Variants in SFMBT1 observed in about 807,000 individuals in gnomAD.
SFMBT1 encodes the protein Scm like with four mbt domains 1, also known as scm-like with four MBT domains protein 1.
A neutral mutation model predicts 108.7 loss-of-function variants in SFMBT1; 32 were observed. That is an observed-to-expected ratio of 0.29 (90% confidence interval 0.22 to 0.40). The LOEUF (loss-of-function observed/expected upper bound fraction) is 0.40. SFMBT1 is among the 10% of genes least tolerant of loss of function. The pLI is 1.00. For missense variants in SFMBT1, 816 were observed against 1,059.6 expected, an observed-to-expected ratio of 0.77 and a Z score of 3.19; for synonymous variants, 348 against 369.5, an observed-to-expected ratio of 0.94 and a Z score of 0.67.
chr3:53,036,897 A>C (rs1340825528), intron 1 of SFMBT1, among the ~76,000 whole-genome samples: 1 of 152,100 alleles, frequency 6.6e-6, no homozygotes, highest in Non-Finnish European at 1.5e-5. Flanking sequence ...AACAAAGTGG[A>C]TTGGCTAGGG....
chr3:53,028,216 A>G (rs1003888465), intron 1 of SFMBT1, among the ~76,000 whole-genome samples: 15 of 152,134 alleles, frequency 9.9e-5, no homozygotes, highest in Admixed American at 9.8e-4. Context: ...TGAGTAGCTG[A>G]GACTACAGGT....
intron 1 of SFMBT1, among the ~76,000 whole-genome samples, chr3:52,988,076 C>G (rs1335471597): frequency 6.6e-6 from 1 of 152,156 alleles, no homozygotes; most frequent in Non-Finnish European, 1.5e-5. Flanking sequence ...CTGCCTCAAC[C>G]CAGAAGAGAG....
At chr3:53,007,008 G>C (rs1386003530) in intron 1 of SFMBT1, among the ~76,000 whole-genome samples, 2 of 152,128 alleles carry the variant, frequency 1.3e-5, no homozygotes. Context: ...AATTTTGTTT[G>C]CCTTTGTAGC....
At chr3:52,954,479 A>C in intron 2 of SFMBT1, 68 bp from the exon 3 acceptor site, 1 of 1,188,242 alleles carries the variant, frequency 8.4e-7, no homozygotes, top group Non-Finnish European at 1.2e-6. Context: ...TAAAAATATA[A>C]ACTTAATAAA....
At chr3:53,003,502 T>C (rs940747495) in intron 1 of SFMBT1, among the ~76,000 whole-genome samples, 3 of 150,092 alleles carry the variant, frequency 2.0e-5, no homozygotes, top group East Asian at 1.9e-4. Context: ...GTGTTGATAA[T>C]TGTGGGAACC....
chr3:52,916,400 G>A (rs1283867993), intron 13 of SFMBT1, among the ~76,000 whole-genome samples, 186 bp from the exon 14 acceptor site: 15 of 148,566 alleles, frequency 1.0e-4, no homozygotes, highest in African/African-American at 2.0e-4. Context: ...GGCTGGATGC[G>A]GTGGCTCACG....
In SFMBT1 at chr3:52,943,549, C is replaced by T. The variant is rs143384624; in HGVS notation, c.168G>A (p.Leu56=). ...CAGGATCTGTTCTCACAGCCACCTC[C>T]AGCTTCATCCCAGGAGCAAATCCAT... ...LQNGFAPGMK[L]EVAVRTDPET... The change falls in exon 4 of 21, where the codon CTG becomes CTA. Residue 56 remains leucine (L), a synonymous_variant. Transcript: ENST00000394752. 393 of 1,614,248 alleles carry T rather than the reference C, an allele frequency of 2.4e-4. No homozygotes were observed. The African/African-American group carries it at 4.3e-3, about 18-fold the overall frequency.
At chr3:52,937,888 T>C (rs1450710811) in intron 4 of SFMBT1, among the ~76,000 whole-genome samples, 1 of 152,068 alleles carries the variant, frequency 6.6e-6, no homozygotes, top group Non-Finnish European at 1.5e-5. Flanking sequence ...GCCAACGATT[T>C]ACTCTTTTAT....
At chr3:52,947,120 C>CT (rs111716780) in intron 3 of SFMBT1, among the ~76,000 whole-genome samples, 9,734 of 139,674 alleles carry the variant, frequency 0.07, 400 homozygotes, top group Non-Finnish European at 0.096. Flanking sequence ...GTCTTTTTCA[C>CT]TTTTTTTTTT....
At chr3:52,998,890 C>T (rs1559543419) in intron 1 of SFMBT1, among the ~76,000 whole-genome samples, 1 of 150,584 alleles carries the variant, frequency 6.6e-6, no homozygotes, top group African/African-American at 2.4e-5. Context: ...AGCTGTTGAT[C>T]GCCTGGCTGT....
At chr3:52,983,855 G>C (rs978246444) in intron 1 of SFMBT1, among the ~76,000 whole-genome samples, 2 of 152,136 alleles carry the variant, frequency 1.3e-5, no homozygotes, top group South Asian at 2.1e-4. Context: ...TTTGGCTTTG[G>C]GGAAGCCATT....
At chr3:53,024,111 T>G (rs933108093) in intron 1 of SFMBT1, among the ~76,000 whole-genome samples, 3 of 152,068 alleles carry the variant, frequency 2.0e-5, no homozygotes, top group African/African-American at 7.2e-5. Flanking sequence ...GTAACACAAG[T>G]GCTAAGGAGA....
intron 13 of SFMBT1, among the ~76,000 whole-genome samples, chr3:52,916,696 C>A (rs1405553830): frequency 3.3e-5 from 5 of 149,608 alleles, no homozygotes; most frequent in Non-Finnish European, 7.4e-5. Flanking sequence ...ACAACAACAA[C>A]AACAACAACA....
intron 1 of SFMBT1, among the ~76,000 whole-genome samples, chr3:53,015,797 T>G (rs1699104955): frequency 6.6e-6 from 1 of 152,220 alleles, no homozygotes; most frequent in Non-Finnish European, 1.5e-5. Context: ...AGGGCATAAC[T>G]GCTAATGGGT....
chr3:52,956,361 G>A (rs2106836889), intron 2 of SFMBT1, among the ~76,000 whole-genome samples: 1 of 152,356 alleles, frequency 6.6e-6, no homozygotes, highest in Non-Finnish European at 1.5e-5. Flanking sequence ...TCGGGAGGCT[G>A]AGGCAGGAGA....
At chr3:52,970,680 G>GC (rs1704309748) in intron 1 of SFMBT1, among the ~76,000 whole-genome samples, 1 of 152,068 alleles carries the variant, frequency 6.6e-6, no homozygotes. Flanking sequence ...GCAGGATCAA[G>GC]CAATTCTATA....
At chr3:52,928,597 T>C (rs530541177) in intron 8 of SFMBT1, 3 of 130,616 alleles carry the variant, frequency 2.3e-5, no homozygotes, top group African/African-American at 8.2e-5. Flanking sequence ...TATACATATA[T>C]ATACATATAT....
chr3:52,963,402 T>C (rs1447832030), intron 2 of SFMBT1, among the ~76,000 whole-genome samples: 2 of 152,138 alleles, frequency 1.3e-5, no homozygotes, highest in Admixed American at 1.3e-4. Flanking sequence ...GAGCTAACTG[T>C]TGGTGGGAAA....
chr3:53,036,383 C>T lies in SFMBT1; in HGVS notation c.-131+9433G>A, dbSNP rs142287607. Among the ~76,000 whole-genome samples, 1,815 of 152,350 alleles carry T rather than the reference C, an allele frequency of 0.012. 114 individuals carry two copies. In the South Asian group the frequency reaches 0.17, roughly 14 times the overall value. ...CCACAACTTTAAAAACACTTGAAAACCAAGGAGTCAGAACTGTACGTTCTA... is the reference window on the plus strand; with the variant it reads ...CCACAACTTTAAAAACACTTGAAAATCAAGGAGTCAGAACTGTACGTTCTA... On this transcript the variant is annotated intron_variant, in intron 1 of 20. Transcript: ENST00000394752.
Sources: allele counts gnomAD v4.1 joint callset (sites outside exome capture counted in the v4.1 genomes callset), GRCh38; gene constraint gnomAD v4.1.1; transcripts MANE v1.5; gene names NCBI Gene and HGNC (gene_info 2026-07-23, HGNC 2026-07-21).